Variants in WWOX observed in about 807,000 individuals in gnomAD.
The protein encoded by WWOX is WW domain containing oxidoreductase.
A neutral mutation model predicts 46.2 loss-of-function variants in WWOX; 69 were observed. That is an observed-to-expected ratio of 1.49 (90% CI 1.23 to 1.82). WWOX has a LOEUF of 1.82. Ranked by LOEUF, WWOX falls within the 40% of genes most tolerant of loss-of-function variation. The probability of loss-of-function intolerance (pLI) is 0.00; values close to 1 mark genes in which losing one functional copy is unlikely to be tolerated. For missense variants in WWOX, 919 were observed against 542.6 expected (o/e 1.69, Z -6.89); for synonymous variants, 359 against 202.6 (o/e 1.77, Z -6.56).
At chr16:79,055,133 GA>G (rs1207164024) in intron 8 of WWOX, among the ~76,000 whole-genome samples, 1 of 152,036 alleles carries the variant, frequency 6.6e-6, no homozygotes, top group Non-Finnish European at 1.5e-5. Context: ...ACAGGTAGAA[GA>G]AAAAAACATT....
At chr16:79,054,170 G>C (rs576112361) in intron 8 of WWOX, among the ~76,000 whole-genome samples, 2 of 152,172 alleles carry the variant, frequency 1.3e-5, no homozygotes, top group Non-Finnish European at 2.9e-5. Flanking sequence ...ATTATGAGCT[G>C]CATGTACCAA....
chr16:78,831,854 A>T (rs1320799876), intron 8 of WWOX, among the ~76,000 whole-genome samples: 1 of 152,010 alleles, frequency 6.6e-6, no homozygotes, highest in African/African-American at 2.4e-5. Flanking sequence ...TAGGAGACAC[A>T]GGGGAGGAAA....
chr16:78,311,554 G>GT, intron 5 of WWOX, among the ~76,000 whole-genome samples: 1 of 152,268 alleles, frequency 6.6e-6, no homozygotes, highest in South Asian at 2.1e-4. Flanking sequence ...TGGCAATGCC[G>GT]TAACAGTGAG....
intron 8 of WWOX, among the ~76,000 whole-genome samples, chr16:78,647,977 A>G (rs2046882403): frequency 6.6e-6 from 1 of 152,022 alleles, no homozygotes; most frequent in East Asian, 1.9e-4. Flanking sequence ...TTTCTTTCTC[A>G]TTTGCTTTCG....
At chr16:78,490,426 G>A (rs1042781604) in intron 8 of WWOX, among the ~76,000 whole-genome samples, 1 of 152,142 alleles carries the variant, frequency 6.6e-6, no homozygotes, top group African/African-American at 2.4e-5. Flanking sequence ...GGACTCCTTT[G>A]GTGCTCGTAA....
intron 8 of WWOX, among the ~76,000 whole-genome samples, chr16:78,807,743 C>T (rs1183450120): frequency 1.3e-5 from 2 of 152,204 alleles, no homozygotes; most frequent in Non-Finnish European, 2.9e-5. Context: ...TCCAAAGTGG[C>T]CTGACCAAAC....
chr16:78,922,165 C>G (rs1246255258), intron 8 of WWOX, among the ~76,000 whole-genome samples: 2 of 152,028 alleles, frequency 1.3e-5, no homozygotes, highest in Non-Finnish European at 2.9e-5. Context: ...CATATTTGAT[C>G]TCAGCCTCCA....
chr16:79,080,168 C>T (rs1488181296), intron 8 of WWOX, among the ~76,000 whole-genome samples: 1 of 152,084 alleles, frequency 6.6e-6, no homozygotes, highest in Admixed American at 6.6e-5. Flanking sequence ...TGTGATGATG[C>T]ATCAGGATAC....
intron 6 of WWOX, among the ~76,000 whole-genome samples, chr16:78,389,091 A>G (rs574352840): frequency 1.3e-5 from 2 of 152,350 alleles, no homozygotes; most frequent in South Asian, 2.1e-4. Flanking sequence ...GCAGACCCCA[A>G]GCTGGCTTGT....
chr16:78,897,137 C>G lies in WWOX; in HGVS notation c.1057-314471C>G, dbSNP rs1303168661. The stretch of plus-strand genomic sequence containing the variant: ...TTGTGACATATGCCTGTAACCGTAG[C>G]TACTCTGGTGGCTGAGGCTTGAGTA... On this transcript the variant is annotated intron_variant, in intron 8 of 8. Transcript: ENST00000566780. 3 of 147,064 alleles carry G rather than the reference C, an allele frequency of 2.0e-5. 1 individual carries two copies. Among genetic ancestry groups the G allele is most frequent in the South Asian group, 4.4e-4 (2 of 4,506 alleles). The allele number at this position is 147,064 out of a possible 1,614,324, so 9.1% of individuals were successfully genotyped here.
intron 5 of WWOX, among the ~76,000 whole-genome samples, chr16:78,180,186 C>G (rs903067265): frequency 2.0e-5 from 3 of 152,286 alleles, no homozygotes; most frequent in Admixed American, 6.5e-5. Context: ...TTGAAAATGA[C>G]CCATCCTGAT....
chr16:78,269,619 C>T (rs926521652), intron 5 of WWOX, among the ~76,000 whole-genome samples: 1 of 152,190 alleles, frequency 6.6e-6, no homozygotes, highest in African/African-American at 2.4e-5. Context: ...ATTTATTAGC[C>T]AACTTCAAAC....
intron 8 of WWOX, chr16:78,526,344 T>G (rs1029832841): frequency 1.3e-5 from 2 of 152,306 alleles, no homozygotes; most frequent in African/African-American, 4.8e-5. Flanking sequence ...AATGTGGTGC[T>G]GAGCCCCCCT....
Position 78,617,402 on chromosome 16 carries a change from CAAAA to C in WWOX, c.1056+184665_1056+184668del, listed in dbSNP as rs33977792. Reference sequence around the variant, plus strand: ...GGGCCACACAGAGAAACCTTGTATCCAAAAAAAAAAAAAAAAAAGTGACCACACT... The same window carrying C: ...GGGCCACACAGAGAAACCTTGTATCCAAAAAAAAAAAAAAGTGACCACACT... On this transcript the variant is annotated intron_variant, in intron 8 of 8. Coordinates refer to ENST00000566780, the MANE Select transcript of WWOX (RefSeq NM_016373.4). Among the ~76,000 whole-genome samples the C allele has an allele frequency of 1.3e-3, 176 of 134,272 alleles. 1 individual carries two copies. Among genetic ancestry groups the C allele is most frequent in the Middle Eastern group, 4.0e-3 (1 of 250 alleles). 88.1% of individuals were successfully genotyped at this position (134,272 alleles called of 152,430 possible). A position where few individuals can be genotyped will look rare whatever the true frequency, so the allele number is the denominator to read the frequency against.
At chr16:79,186,070 G>T (rs1398986522) in intron 8 of WWOX, among the ~76,000 whole-genome samples, 7 of 152,014 alleles carry the variant, frequency 4.6e-5, no homozygotes, top group Admixed American at 6.6e-5. Flanking sequence ...GTCAAAAAAT[G>T]ATGTTGGGTG....
At chr16:78,900,233 C>A (rs1462738261) in intron 8 of WWOX, among the ~76,000 whole-genome samples, 1 of 151,968 alleles carries the variant, frequency 6.6e-6, no homozygotes, top group African/African-American at 2.4e-5. Context: ...AGATTAAAGT[C>A]TTTTCTCCTC....
At chr16:79,145,574 A>G (rs2050169348) in intron 8 of WWOX, among the ~76,000 whole-genome samples, 1 of 152,230 alleles carries the variant, frequency 6.6e-6, no homozygotes, top group Admixed American at 6.5e-5. Context: ...AAGAATATTC[A>G]TGATAGCTGT....
At chr16:78,317,434 AG>A (rs1216852224) in intron 5 of WWOX, among the ~76,000 whole-genome samples, 1 of 152,212 alleles carries the variant, frequency 6.6e-6, no homozygotes, top group African/African-American at 2.4e-5. Flanking sequence ...TACAATGTGC[AG>A]GACCGTGCCC....
At chr16:79,211,486 C>T (rs2051745173) in intron 8 of WWOX, 122 bp from the exon 9 acceptor site, 3 of 1,293,752 alleles carry the variant, frequency 2.3e-6, no homozygotes, top group Non-Finnish European at 3.3e-6. Context: ...TTTGCTATGC[C>T]AAGATCCAGC....
Sources: allele counts gnomAD v4.1 joint callset (sites outside exome capture counted in the v4.1 genomes callset), GRCh38; gene constraint gnomAD v4.1.1; transcripts MANE v1.5; gene names NCBI Gene and HGNC (gene_info 2026-07-23, HGNC 2026-07-21).